Variants in MRPS9 observed in about 807,000 individuals in gnomAD.
MRPS9 encodes small ribosomal subunit protein uS9m.
In MRPS9, 45 loss-of-function variants were observed where a neutral mutation model predicts 59.9. The observed-to-expected ratio is 0.75, with a 90% CI of 0.59 to 0.96. The LOEUF is 0.96. Among genes scored for constraint, MRPS9 ranks in the 40% least tolerant of loss-of-function variants. The pLI is 0.00. For missense variants in MRPS9, 473 were observed against 481.1 expected, an observed-to-expected ratio of 0.98 and a Z score of 0.16; for synonymous variants, 171 against 166.8, an observed-to-expected ratio of 1.03 and a Z score of -0.19.
At chr2:105,050,415 C>A (rs1337844362) in intron 2 of MRPS9, among the ~76,000 whole-genome samples, 3 of 152,172 alleles carry the variant, frequency 2.0e-5, no homozygotes, top group Admixed American at 1.3e-4. Flanking sequence ...GCTGGGATTA[C>A]AGGCGTTAGC....
chr2:105,061,580 A>G (rs73945024), intron 2 of MRPS9, among the ~76,000 whole-genome samples: 33,560 of 152,074 alleles, frequency 0.22, 3,771 homozygotes, highest in Middle Eastern at 0.35. Flanking sequence ...AGAATTTCCA[A>G]TAGTGCATCA....
chr2:105,060,959 A>G (rs1246406701), intron 2 of MRPS9, among the ~76,000 whole-genome samples: 2 of 151,528 alleles, frequency 1.3e-5, no homozygotes, highest in South Asian at 2.1e-4. Context: ...AAAATACAAA[A>G]AATTAGCCGG....
intron 5 of MRPS9, among the ~76,000 whole-genome samples, chr2:105,088,384 A>G (rs1680490654): frequency 6.6e-6 from 1 of 152,132 alleles, no homozygotes; most frequent in African/African-American, 2.4e-5. Context: ...GCAAACTTCT[A>G]CTTCCATTGT....
At chr2:105,098,074 G>A (rs1680706785) in intron 10 of MRPS9, 1 of 152,116 alleles carries the variant, frequency 6.6e-6, no homozygotes, top group South Asian at 2.1e-4. Context: ...GTTATTGGAG[G>A]TTTCCATTTT....
chr2:105,042,674 A>T (rs1573413344), intron 1 of MRPS9, among the ~76,000 whole-genome samples: 1 of 152,176 alleles, frequency 6.6e-6, no homozygotes, highest in East Asian at 1.9e-4. Flanking sequence ...GCTTAAACAA[A>T]ACTGCATCTT....
At chr2:105,080,195 CAG>C (rs1225002438) in intron 5 of MRPS9, 133 bp downstream of exon 5, 4 of 498,908 alleles carry the variant, frequency 8.0e-6, no homozygotes, top group African/African-American at 8.0e-5. Flanking sequence ...AGAGGTAGGA[CAG>C]TGTGTTGATG....
In MRPS9 at chr2:105,038,159, A is replaced by G. The variant is rs76640438; in HGVS notation, c.67A>G (p.Ser23Gly). ...CCGGCTTCTTCTCTGGGGTAGGGGT[A>G]GCCTCGCCCGGAAGCAAGGCCTCTG... is the stretch of plus-strand genomic sequence containing the variant. ...SYRLLLWGRG[S>G]LARKQGLWKT... is the part of the protein sequence containing the mutation. Residue 23 changes from serine (S) to glycine (G), a missense_variant, in exon 1 of 11, where the codon AGC (serine) becomes GGC (glycine). Physicochemically the swap from Ser to Gly is moderately conservative, Grantham distance 56 (BLOSUM62 0). Transcript: ENST00000258455. 477 of 1,613,672 alleles carry G rather than the reference A, an allele frequency of 3.0e-4. 4 individuals are homozygous for G. In the African/African-American group the frequency reaches 5.6e-3, roughly 19 times the overall value.
rs777683906 is a variant in MRPS9, at chr2:105,093,576, A to G, written c.867A>G (p.Gly289=). The part of the protein sequence containing the change: ...AKAEAIVYKH[G]SGRIKVNGID... ...CAGAAGCAATTGTTTATAAACATGGAAGTGGAAGAATAAAAGTAAATGGAA... is the reference window on the plus strand; with the variant it reads ...CAGAAGCAATTGTTTATAAACATGGGAGTGGAAGAATAAAAGTAAATGGAA... Residue 289 remains glycine, a synonymous_variant, in exon 9 of 11, where the codon GGA becomes GGG. Coordinates refer to ENST00000258455, the MANE Select transcript of MRPS9 (RefSeq NM_182640.3). 5.0e-6 allele frequency: 8 copies of G among 1,607,534 alleles called. No homozygotes were observed. Among genetic ancestry groups the G allele is most frequent in the Non-Finnish European group, 6.8e-6 (8 of 1,176,666 alleles).
chr2:105,094,789 A>G (rs1491000213), intron 9 of MRPS9, among the ~76,000 whole-genome samples: 3 of 152,248 alleles, frequency 2.0e-5, no homozygotes, highest in African/African-American at 7.2e-5. Flanking sequence ...AACATTGGGA[A>G]CTATAGGAGG....
At chr2:105,083,385 G>T (rs1367662629) in intron 5 of MRPS9, among the ~76,000 whole-genome samples, 1 of 152,154 alleles carries the variant, frequency 6.6e-6, no homozygotes, top group East Asian at 1.9e-4. Flanking sequence ...GCAGCAGCTT[G>T]GGCCTGTCCA....
At position 105,084,247 on chromosome 2, in the gene MRPS9, A is replaced by AATATAGATATATATATATATATATAT. The variant is rs754016660; in HGVS notation, c.489+4190_489+4191insGATATATATATATATATATATATATA. Among the ~76,000 whole-genome samples the AATATAGATATATATATATATATATAT allele has an allele frequency of 1.2e-3, 162 of 139,570 alleles. 1 individual carries two copies. Among genetic ancestry groups the AATATAGATATATATATATATATATAT allele is most frequent in the African/African-American group, 3.3e-3 (127 of 38,260 alleles). The allele number at this position is 139,570 out of a possible 152,430, so 91.6% of individuals were successfully genotyped here. A position where few individuals can be genotyped will look rare whatever the true frequency, so the allele number is the denominator to read the frequency against. On this transcript the variant is annotated intron_variant, in intron 5 of 10. Transcript: ENST00000258455. ...TGGCCACAGATGAAATATATACCAA[A>AATATAGATATATATATATATATATAT]ATATATATATATATATATATATGTA...
chr2:105,082,604 C>T (rs151163431), intron 5 of MRPS9, among the ~76,000 whole-genome samples: 67 of 152,334 alleles, frequency 4.4e-4, no homozygotes, highest in African/African-American at 1.5e-3. Flanking sequence ...AGTCCATCCA[C>T]TTTCTCTGGA....
At chr2:105,082,907 A>T (rs1244932420) in intron 5 of MRPS9, among the ~76,000 whole-genome samples, 1 of 152,230 alleles carries the variant, frequency 6.6e-6, no homozygotes, top group African/African-American at 2.4e-5. Context: ...GAAAAAGTAT[A>T]AAACCATAGT....
chr2:105,048,108 C>G (rs1447228168), intron 1 of MRPS9, among the ~76,000 whole-genome samples: 3 of 151,938 alleles, frequency 2.0e-5, no homozygotes, highest in Admixed American at 1.3e-4. Context: ...ACCCAAATGT[C>G]CAACAATGAT....
At chr2:105,092,945 A>G (rs1440860778) in intron 8 of MRPS9, among the ~76,000 whole-genome samples, 1 of 152,218 alleles carries the variant, frequency 6.6e-6, no homozygotes, top group Non-Finnish European at 1.5e-5. Context: ...AAACTATGTA[A>G]TGTGAAAACT....
chr2:105,041,105 T>C (rs1336425813), intron 1 of MRPS9, among the ~76,000 whole-genome samples: 2 of 152,126 alleles, frequency 1.3e-5, no homozygotes, highest in Non-Finnish European at 2.9e-5. Context: ...TATGCTAAGG[T>C]AGCTGAATTT....
intron 2 of MRPS9, among the ~76,000 whole-genome samples, chr2:105,062,610 T>G (rs138447234): frequency 6.6e-6 from 1 of 152,380 alleles, no homozygotes; most frequent in East Asian, 1.9e-4. Flanking sequence ...TTACAGACTT[T>G]AACCTTGTAA....
intron 9 of MRPS9, among the ~76,000 whole-genome samples, chr2:105,095,477 C>T (rs1680639401): frequency 6.7e-6 from 1 of 150,092 alleles, no homozygotes; most frequent in Non-Finnish European, 1.5e-5. Context: ...ATTAGATTTT[C>T]AGTCTGTACA....
At chr2:105,049,626 C>T (rs1679672947) in intron 2 of MRPS9, among the ~76,000 whole-genome samples, 1 of 152,172 alleles carries the variant, frequency 6.6e-6, no homozygotes, top group African/African-American at 2.4e-5. Flanking sequence ...TTAGACTCAG[C>T]TTTCTTACAA....
Sources: allele counts gnomAD v4.1 joint callset (sites outside exome capture counted in the v4.1 genomes callset), GRCh38; gene constraint gnomAD v4.1.1; transcripts MANE v1.5; gene names NCBI Gene and HGNC (gene_info 2026-07-23, HGNC 2026-07-21).